Variants in WNK4 observed in about 807,000 individuals in gnomAD.
The protein encoded by WNK4 is serine/threonine-protein kinase WNK4.
A neutral mutation model predicts 116.2 loss-of-function variants in WNK4; 94 were observed. That is an observed-to-expected ratio of 0.81 (90% CI 0.68 to 0.96). The LOEUF is 0.96. Ranked by LOEUF, WNK4 falls within the 40% of genes least tolerant of loss-of-function variation. WNK4 has a pLI of 0.00. For synonymous variants in WNK4, 655 were observed against 672.7 expected (o/e 0.97, Z 0.41); for missense variants, 1,542 against 1,650.6 (o/e 0.93, Z 1.14).
chr17:42,794,133 T>C (rs146036549), intron 12 of WNK4: 3,483 of 322,602 alleles, frequency 0.011, 108 homozygotes, highest in African/African-American at 0.07. Context: ...GGATTACAGG[T>C]GTGAGCCACC....
In WNK4 at chr17:42,795,947, C is replaced by T. The variant is rs781677583; in HGVS notation, c.3345C>T (p.Tyr1115=). Residue 1115 remains tyrosine, a synonymous_variant, in exon 16 of 19, where the codon TAC becomes TAT. Transcript: ENST00000246914. ...GCCCAGTGTGGATGAACTACTCCTA[C>T]AGCAGCCTGTGTTTGAGCAGCGAGG... ...HPSPVWMNYS[Y]SSLCLSSEES... 2 of 1,613,204 alleles carry T rather than the reference C, an allele frequency of 1.2e-6. No individual in the cohort carries two copies. The highest frequency in any genetic ancestry group is 1.3e-5 in the African/African-American group (1 of 74,908).
Position 42,794,791 on chromosome 17 carries a change from C to A in WNK4, c.2370C>A (p.Thr790=). The A allele has an allele frequency of 3.1e-6, 5 of 1,614,020 alleles. No individual in the cohort carries two copies. Among genetic ancestry groups the A allele is most frequent in the Non-Finnish European group, 4.2e-6 (5 of 1,179,998 alleles). ...TCCCAGAAGAGCTCCAGAGCAGCAC[C>A]TCCCTGGAGCACAGGAGCTGGACAG... is the stretch of plus-strand genomic sequence containing the variant. ...DPSNEELQSS[T]SLEHRSWTAF... is the part of the protein sequence containing the mutation. The change falls in exon 14 of 19, where the codon ACC becomes ACA. Residue 790 remains threonine (T), a synonymous_variant. Transcript: ENST00000246914.
At position 42,785,467 on chromosome 17, in the gene WNK4, G is replaced by C. The variant is rs1297401164; in HGVS notation, c.1461G>C (p.Glu487Asp). 6.4e-7 allele frequency: 1 copy of C among 1,552,818 alleles called. No homozygotes were observed. Among genetic ancestry groups the C allele is most frequent in the East Asian group, 2.4e-5 (1 of 41,172 alleles). Reference sequence around the variant, plus strand: ...AGCTGGGCCGGGACGCGGCCGAGGAGGTGGCACAGGAGATGGTGAGCGGAG... The same window carrying C: ...AGCTGGGCCGGGACGCGGCCGAGGACGTGGCACAGGAGATGGTGAGCGGAG... ...LFQLGRDAAE[E>D]VAQEMVALGL... The change falls in exon 6 of 19, where the codon GAG (glutamate) becomes GAC (aspartate). Residue 487 changes from glutamate (E) to aspartate (D), a missense_variant. Glu to Asp is a conservative substitution (Grantham distance 45, BLOSUM62 2). Around this residue, in one of 7 missense-constraint regions of WNK4, gnomAD observed 808 missense variants for 873.6 expected, o/e 0.92. Coordinates refer to ENST00000246914, the MANE Select transcript of WNK4 (RefSeq NM_032387.5).
chr17:42,780,962 C>T lies in WNK4; in HGVS notation c.264C>T (p.Asp88=). The T allele has an allele frequency of 6.2e-7, 1 of 1,610,600 alleles. No individual in the cohort carries two copies. Among genetic ancestry groups the T allele is most frequent in the Non-Finnish European group, 8.5e-7 (1 of 1,179,700 alleles). Residue 88 remains aspartate (D), a synonymous_variant, in exon 1 of 19, where the codon GAC becomes GAT. Transcript: ENST00000246914. ...CTCCGGACCCCCCCGATCCTCCGGACTCCGCTGGTCCTGGCCCCGCGAGGA... is the reference window on the plus strand; with the variant it reads ...CTCCGGACCCCCCCGATCCTCCGGATTCCGCTGGTCCTGGCCCCGCGAGGA... ...SPAPDPPDPP[D]SAGPGPARSP...
Position 42,794,685 on chromosome 17 carries a change from G to T in WNK4, c.2350+17G>T, listed in dbSNP as rs1487663864. Reference sequence around the variant, plus strand: ...CATCCAATGGTATGTACTGAGTTGTGTCCTTGCTCATCCCAACCCCTGGGG... The same window carrying T: ...CATCCAATGGTATGTACTGAGTTGTTTCCTTGCTCATCCCAACCCCTGGGG... On this transcript the variant is annotated intron_variant, in intron 13 of 18. Transcript: ENST00000246914. 6.2e-7 allele frequency: 1 copy of T among 1,613,632 alleles called. No individual in the cohort carries two copies. The highest frequency in any genetic ancestry group is 8.5e-7 in the Non-Finnish European group (1 of 1,179,906).
In WNK4 at chr17:42,796,195, G is replaced by C. The variant is rs769029879; in HGVS notation, c.3504G>C (p.Gly1168=). 2 of 1,613,942 alleles carry C rather than the reference G, an allele frequency of 1.2e-6. No homozygotes were observed. The highest frequency in any genetic ancestry group is 1.3e-5 in the African/African-American group (1 of 74,934). The part of the protein sequence containing the change: ...KEIEDLYSRL[G]KQPPPGIVAP... ...TTGAAGATTTGTACAGCCGGCTGGG[G>C]AAGCAGCCCCCACCGGGTATTGTGG... The change falls in exon 17 of 19, where the codon GGG becomes GGC. Residue 1168 remains glycine, a synonymous_variant. Transcript: ENST00000246914.
intron 7 of WNK4, 43 bp from the exon 8 acceptor site, chr17:42,787,735 C>A (rs554646995): frequency 6.2e-7 from 1 of 1,607,380 alleles, no homozygotes; most frequent in Admixed American, 1.7e-5. Flanking sequence ...GCCACTATTC[C>A]CTTTTATTTC....
chr17:42,784,004 G>A lies in WNK4; in HGVS notation c.859G>A (p.Gly287Arg). ...GCGCTGGAGCCGCCAAATCCTGCGG[G>A]GACTTCATTTCCTACACTCCCGGGT... ...LQRWSRQILR[G>R]LHFLHSRVPP... The change falls in exon 3 of 19, where the codon GGA becomes AGA. Residue 287 changes from glycine to arginine, a missense_variant. Physicochemically the swap from Gly to Arg is moderately radical, Grantham distance 125 (BLOSUM62 -2). Coordinates refer to ENST00000246914, the MANE Select transcript of WNK4 (RefSeq NM_032387.5). The surrounding 1 kb of genome is among the most constrained non-coding windows in gnomAD (Gnocchi z 4.4). The A allele has an allele frequency of 6.2e-7, 1 of 1,614,038 alleles. No individual in the cohort carries two copies. The highest frequency in any genetic ancestry group is 8.5e-7 in the Non-Finnish European group (1 of 1,180,030).
Position 42,788,690 on chromosome 17 carries a change from C to A in WNK4, c.2050C>A (p.Gln684Lys). ...GACTTTGAATCTGAAGGTCTCAGAC[C>A]AGAATGACAGAGTGGTTGAGTGCCA... ...SRLRVTSVSD[Q>K]NDRVVECQLQ... The change falls in exon 11 of 19, where the codon CAG becomes AAG. Residue 684 changes from glutamine to lysine, a missense_variant. By Grantham distance (53) the Gln-to-Lys change is moderately conservative. Transcript: ENST00000246914. 1 of 1,613,780 alleles carries A rather than the reference C, an allele frequency of 6.2e-7. No individual in the cohort carries two copies. The highest frequency in any genetic ancestry group is 8.5e-7 in the Non-Finnish European group (1 of 1,179,786).
At position 42,782,589 on chromosome 17, in the gene WNK4, GA is replaced by G. The variant is rs2054496815; in HGVS notation, c.619-168del. 1.3e-5 allele frequency among the ~76,000 whole-genome samples: 2 copies of G among 152,222 alleles called. 1 individual carries two copies. Among genetic ancestry groups the G allele is most frequent in the South Asian group, 4.1e-4 (2 of 4,836 alleles). On this transcript the variant is annotated intron_variant, in intron 1 of 18. Transcript: ENST00000246914. This position sits in a 1 kb window ranked among gnomAD's most constrained non-coding sequence, Gnocchi z 4.2. ...TGTCCTTGGATCAGCTTACGTGCGG[GA>G]CTGTTGGAGAGTTCAGGGTCTGCAG...
At chr17:42,789,263 G>T (rs1429334329) in intron 11 of WNK4, among the ~76,000 whole-genome samples, 1 of 152,172 alleles carries the variant, frequency 6.6e-6, no homozygotes, top group Non-Finnish European at 1.5e-5. Flanking sequence ...GCTTCATGAG[G>T]AAACCACTAT....
rs755245471 is a variant in WNK4, at chr17:42,784,122, C to T, written c.977C>T (p.Thr326Met). 5 of 1,608,866 alleles carry T rather than the reference C, an allele frequency of 3.1e-6. No homozygotes were observed. The highest frequency in any genetic ancestry group is 1.3e-5 in the African/African-American group (1 of 75,062). ...AAAATCGGGGACCTGGGCCTGGCCA[C>T]GCTCAAGCGCGCCTCCTTTGCCAAG... Reference protein sequence around the residue: ...SVKIGDLGLATLKRASFAKSV... With the variant: ...SVKIGDLGLAMLKRASFAKSV... Residue 326 changes from threonine (T) to methionine (M), a missense_variant, in exon 3 of 19, where the codon ACG becomes ATG. Thr to Met is a moderately conservative substitution (Grantham distance 81, BLOSUM62 -1). Around this residue, in one of 7 missense-constraint regions of WNK4, gnomAD observed 808 missense variants for 873.6 expected, o/e 0.92. Transcript: ENST00000246914. This position sits in a 1 kb window ranked among gnomAD's most constrained non-coding sequence, Gnocchi z 4.4.
rs2054533314 is a variant in WNK4 at position 42,785,281 on chromosome 17, C to T, written c.1275C>T (p.Asp425=). 1.9e-6 allele frequency: 3 copies of T among 1,610,758 alleles called. No homozygotes were observed. The highest frequency in any genetic ancestry group is 2.5e-6 in the Non-Finnish European group (3 of 1,178,702). ...TCACCCTCAGGTTCACCATCCAGGA[C>T]CTCCTGGCCCACGCCTTCTTCCGCG... ...TDKNERFTIQ[D]LLAHAFFREE... is the part of the protein sequence containing the mutation. The change falls in exon 6 of 19, where the codon GAC becomes GAT. Residue 425 remains aspartate (D), a synonymous_variant. Transcript: ENST00000246914.
chr17:42,780,698 C>G lies in WNK4; in HGVS notation c.-1C>G. On this transcript the variant is annotated 5_prime_UTR_variant, in exon 1 of 19. Coordinates refer to ENST00000246914, the MANE Select transcript of WNK4 (RefSeq NM_032387.5). ...TACCCTTCGGCGCCCTGCTCTTCCT[C>G]ATGTTGGCATCCCCGGCCACGGAGA... 1 of 1,607,806 alleles carries G rather than the reference C, an allele frequency of 6.2e-7. No individual in the cohort carries two copies. The highest frequency in any genetic ancestry group is 8.5e-7 in the Non-Finnish European group (1 of 1,179,488).
rs1010739234 is a variant in WNK4 at position 42,784,275 on chromosome 17, G to A, written c.1012+118G>A. The A allele has an allele frequency of 9.7e-6, 15 of 1,543,124 alleles. No homozygotes were observed. In the South Asian group the frequency reaches 1.1e-4, roughly 12 times the overall value. ...GTCCACAAAACTACCAGACGACAGG[G>A]AAGCTGAGGAGACCTATGGCACCCA... On this transcript the variant is annotated intron_variant, in intron 3 of 18. Transcript: ENST00000246914. The surrounding 1 kb of genome is among the most constrained non-coding windows in gnomAD (Gnocchi z 4.4).
chr17:42,780,744 A>C lies in WNK4; in HGVS notation c.46A>C (p.Thr16Pro). Residue 16 changes from threonine (T) to proline (P), a missense_variant, in exon 1 of 19, where the codon ACT (threonine) becomes CCT (proline). Physicochemically the swap from Thr to Pro is conservative, Grantham distance 38 (BLOSUM62 -1). Coordinates refer to ENST00000246914, the MANE Select transcript of WNK4 (RefSeq NM_032387.5). ...ATETTVLMSQ[T>P]EADLALRPPP... ...GGAGACCACCGTCCTCATGTCCCAGACTGAGGCCGACCTGGCCCTGCGGCC... is the reference window on the plus strand; with the variant it reads ...GGAGACCACCGTCCTCATGTCCCAGCCTGAGGCCGACCTGGCCCTGCGGCC... The C allele has an allele frequency of 1.9e-6, 3 of 1,608,624 alleles. No individual in the cohort carries two copies. Among genetic ancestry groups the C allele is most frequent in the East Asian group, 2.2e-5 (1 of 44,834 alleles).
At chr17:42,791,815 G>C (rs941806727) in intron 11 of WNK4, among the ~76,000 whole-genome samples, 2 of 151,784 alleles carry the variant, frequency 1.3e-5, no homozygotes, top group Non-Finnish European at 2.9e-5. Context: ...AAATTAGCTG[G>C]GCATGGTGCC....
chr17:42,780,671 T>C lies in WNK4; in HGVS notation c.-28T>C, dbSNP rs374744005. ...CGCCTCCTCTCCGGCCGTCTGATTT[T>C]CTACCCTTCGGCGCCCTGCTCTTCC... On this transcript the variant is annotated 5_prime_UTR_variant, in exon 1 of 19. Coordinates refer to ENST00000246914, the MANE Select transcript of WNK4 (RefSeq NM_032387.5). The C allele has an allele frequency of 1.9e-5, 30 of 1,602,776 alleles. No homozygotes were observed. The African/African-American group carries it at 3.6e-4, about 19-fold the overall frequency.
rs772538146 is a variant in WNK4 at position 42,787,414 on chromosome 17, G to A, written c.1613G>A (p.Gly538Glu). Residue 538 changes from glycine to glutamate, a missense_variant, in exon 7 of 19, where the codon GGA (glycine) becomes GAA (glutamate). Transcript: ENST00000246914. ...RELEALPPEP[G>E]PPPATVPMAP... ...TTGGAGGCACTCCCACCAGAGCCAG[G>A]ACCTCCACCAGCAACTGTGCCCATG... 3 of 1,614,186 alleles carry A rather than the reference G, an allele frequency of 1.9e-6. No individual in the cohort carries two copies. Among genetic ancestry groups the A allele is most frequent in the Admixed American group, 1.7e-5 (1 of 60,022 alleles).
Sources: allele counts gnomAD v4.1 joint callset (sites outside exome capture counted in the v4.1 genomes callset), GRCh38; gene constraint gnomAD v4.1.1; regional missense constraint gnomAD v4.1.1; non-coding constraint Gnocchi (gnomAD v3.1); transcripts MANE v1.5; gene names NCBI Gene and HGNC (gene_info 2026-07-23, HGNC 2026-07-21).